Variants in PDE4D observed in about 807,000 individuals in gnomAD.
The protein encoded by PDE4D is 3',5'-cyclic-AMP phosphodiesterase 4D.
PDE4D carries 24 observed loss-of-function variants against 87.4 expected under a neutral mutation model. The observed-to-expected ratio is 0.27, with a 90% CI of 0.20 to 0.39. PDE4D has a LOEUF of 0.39. Ranked by LOEUF, PDE4D falls within the 10% of genes least tolerant of loss-of-function variation. The probability of loss-of-function intolerance (pLI) is 1.00; values close to 1 mark genes in which losing one functional copy is unlikely to be tolerated. For missense variants in PDE4D, 714 were observed against 1,041.0 expected (o/e 0.69, Z 4.32); for synonymous variants, 384 against 383.2 (o/e 1.00, Z -0.02).
At chr5:60,271,727 AC>A (rs1440329997) in intron 1 of PDE4D, among the ~76,000 whole-genome samples, 1 of 152,162 alleles carries the variant, frequency 6.6e-6, no homozygotes, top group Non-Finnish European at 1.5e-5. Context: ...CAAATGAAAT[AC>A]AGCATTTAAA....
intron 1 of PDE4D, among the ~76,000 whole-genome samples, chr5:59,872,253 C>T (rs1298056661): frequency 6.9e-6 from 1 of 144,360 alleles, no homozygotes; most frequent in Non-Finnish European, 1.5e-5. Context: ...GGATTCACAA[C>T]AGAAGAGTTA....
At chr5:58,989,602 G>A (rs899504628) in intron 10 of PDE4D, among the ~76,000 whole-genome samples, 153 bp downstream of exon 10, 3 of 151,466 alleles carry the variant, frequency 2.0e-5, no homozygotes. Flanking sequence ...AGACTTGATT[G>A]TCTATTAACT....
intron 1 of PDE4D, among the ~76,000 whole-genome samples, chr5:59,534,870 G>A (rs191770285): frequency 7.0e-4 from 106 of 152,282 alleles, no homozygotes; most frequent in Non-Finnish European, 9.0e-4. Flanking sequence ...CAGTAGTGGT[G>A]GTGATGGAGG....
chr5:59,729,260 G>C (rs1757036169), intron 1 of PDE4D, among the ~76,000 whole-genome samples: 1 of 152,024 alleles, frequency 6.6e-6, no homozygotes. Flanking sequence ...AGGTGAGAGA[G>C]CCTCAATGTT....
At chr5:60,387,945 T>C (rs1315480219) in intron 1 of PDE4D, among the ~76,000 whole-genome samples, 5 of 152,184 alleles carry the variant, frequency 3.3e-5, no homozygotes, top group Non-Finnish European at 5.9e-5. Flanking sequence ...AACTTCAAGT[T>C]GGGGTTTCCA....
chr5:59,875,489 A>C (rs1017647249), intron 1 of PDE4D, among the ~76,000 whole-genome samples: 1 of 142,984 alleles, frequency 7.0e-6, no homozygotes, highest in Non-Finnish European at 1.5e-5. Flanking sequence ...AAAAAAAAAA[A>C]AGAAGGAATC....
At chr5:59,149,814 C>T (rs1010936723) in intron 5 of PDE4D, among the ~76,000 whole-genome samples, 1 of 146,008 alleles carries the variant, frequency 6.8e-6, no homozygotes, top group African/African-American at 2.5e-5. Context: ...TATCACTAGG[C>T]CTTGCAAAGG....
At chr5:60,276,670 T>C (rs1751394577) in intron 1 of PDE4D, among the ~76,000 whole-genome samples, 1 of 152,232 alleles carries the variant, frequency 6.6e-6, no homozygotes, top group Admixed American at 6.5e-5. Flanking sequence ...TACACAGCAG[T>C]GCCAGAGTTG....
At chr5:60,293,384 CA>C (rs1333438068) in intron 1 of PDE4D, among the ~76,000 whole-genome samples, 2 of 151,944 alleles carry the variant, frequency 1.3e-5, no homozygotes. Flanking sequence ...CATGGTGGCA[CA>C]CGCCTATAGT....
In PDE4D at chr5:60,207,784, A is replaced by G. The variant is rs182869307; in HGVS notation, c.-89-22097T>C. Among the ~76,000 whole-genome samples, 455 of 152,346 alleles carry G rather than the reference A, an allele frequency of 3.0e-3. 2 individuals are homozygous for G. Among genetic ancestry groups the G allele is most frequent in the South Asian group, 0.019 (92 of 4,830 alleles). ...TGAAGTGTTCAGAAAGTTATAGAAC[A>G]ATCACATTTAGTATTGAATCAATCA... On this transcript the variant is annotated intron_variant, in intron 1 of 16. Transcript: ENST00000502484.
chr5:60,304,214 G>C (rs13172481), intron 1 of PDE4D: 41,328 of 151,888 alleles, frequency 0.27, 6,888 homozygotes, highest in African/African-American at 0.46. Flanking sequence ...AATTTTACTT[G>C]GAGGCAAATG....
chr5:59,733,834 T>A (rs1757721200), intron 1 of PDE4D, among the ~76,000 whole-genome samples: 2 of 152,070 alleles, frequency 1.3e-5, no homozygotes, highest in Non-Finnish European at 2.9e-5. Flanking sequence ...AAAATACCAA[T>A]TTTATTACTT....
intron 1 of PDE4D, among the ~76,000 whole-genome samples, chr5:59,438,115 G>A (rs1265279179): frequency 6.6e-6 from 1 of 152,164 alleles, no homozygotes; most frequent in Non-Finnish European, 1.5e-5. Context: ...AACACATGGG[G>A]ATTGTTGGCT....
intron 1 of PDE4D, among the ~76,000 whole-genome samples, chr5:59,466,021 A>G (rs2153648954): frequency 6.6e-6 from 1 of 152,280 alleles, no homozygotes; most frequent in Non-Finnish European, 1.5e-5. Context: ...TCTGCATTCA[A>G]TGACATTTAC....
At chr5:60,047,174 T>C (rs1337592155) in intron 2 of PDE4D, among the ~76,000 whole-genome samples, 1 of 152,252 alleles carries the variant, frequency 6.6e-6, no homozygotes, top group African/African-American at 2.4e-5. Context: ...TGTAGTATTC[T>C]CTGATGGTAG....
chr5:59,563,498 G>T (rs1002336977), intron 1 of PDE4D, among the ~76,000 whole-genome samples: 11 of 152,204 alleles, frequency 7.2e-5, no homozygotes, highest in African/African-American at 2.7e-4. Flanking sequence ...TACAGGTTGT[G>T]AAGGAATTAT....
In PDE4D at chr5:59,429,296, G is replaced by T. The variant is rs149543615; in HGVS notation, c.456-213328C>A. Among the ~76,000 whole-genome samples, 3 of 152,248 alleles carry T rather than the reference G, an allele frequency of 2.0e-5. No homozygotes were observed. In the East Asian group the frequency reaches 5.8e-4, roughly 29 times the overall value. ...TTAAAATAGTTGCTTGGTGCTGCTAGCCGGTCATAAAGTCAAATAGTGATA... is the reference window on the plus strand; with the variant it reads ...TTAAAATAGTTGCTTGGTGCTGCTATCCGGTCATAAAGTCAAATAGTGATA... On this transcript the variant is annotated intron_variant, in intron 1 of 14. Coordinates refer to ENST00000340635, the MANE Select transcript of PDE4D (RefSeq NM_001104631.2).
intron 5 of PDE4D, among the ~76,000 whole-genome samples, chr5:59,161,698 C>A (rs945197033): frequency 6.6e-6 from 1 of 152,144 alleles, no homozygotes; most frequent in Non-Finnish European, 1.5e-5. Context: ...AGGGTGCAGG[C>A]GTGCTTCAAA....
intron 1 of PDE4D, among the ~76,000 whole-genome samples, chr5:59,369,892 A>T (rs1582200994): frequency 6.6e-6 from 1 of 151,896 alleles, no homozygotes; most frequent in Non-Finnish European, 1.5e-5. Flanking sequence ...AAACAGAACC[A>T]CCCCACCACT....
Sources: allele counts gnomAD v4.1 joint callset (sites outside exome capture counted in the v4.1 genomes callset), GRCh38; gene constraint gnomAD v4.1.1; transcripts MANE v1.5; gene names NCBI Gene and HGNC (gene_info 2026-07-23, HGNC 2026-07-21).